NOTCH1: variants seen among roughly 807,000 people sequenced by gnomAD.
The protein encoded by NOTCH1 is neurogenic locus notch homolog protein 1.
A neutral mutation model predicts 254.8 loss-of-function variants in NOTCH1; 37 were observed. The ratio of observed to expected loss-of-function variants is 0.15; its 90% confidence interval spans 0.11 to 0.19. The LOEUF (loss-of-function observed/expected upper bound fraction) is 0.19, where lower values mean the gene tolerates loss of function less well. Ranked by LOEUF, NOTCH1 falls within the 10% of genes least tolerant of loss-of-function variation. The pLI is 1.00. For missense variants in NOTCH1, 2,972 were observed against 3,708.6 expected (o/e 0.80, Z 5.16); for synonymous variants, 1,731 against 1,618.1 (o/e 1.07, Z -1.68).
rs1322911019 is a variant in NOTCH1, at chr9:136,506,598, G to A, written c.3943C>T (p.Pro1315Ser). ...GCGCAGGTGCCCCCATTCTTGCAGG[G>A]CTTGCCTTTGCAGCCATTGATGACG... Reference protein sequence around the residue: ...ESVINGCKGKPCKNGGTCAVA... With the variant: ...ESVINGCKGKSCKNGGTCAVA... The change falls in exon 24 of 34, where the codon CCC (proline) becomes TCC (serine). Residue 1315 changes from proline to serine, a missense_variant. By Grantham distance (74) the Pro-to-Ser change is moderately conservative. Coordinates refer to ENST00000651671, the MANE Select transcript of NOTCH1 (RefSeq NM_017617.5). This position sits in a 1 kb window ranked among gnomAD's most constrained non-coding sequence, Gnocchi z 4.5. 2 of 1,610,996 alleles carry A rather than the reference G, an allele frequency of 1.2e-6. No individual in the cohort carries two copies. Among genetic ancestry groups the A allele is most frequent in the Non-Finnish European group, 1.7e-6 (2 of 1,179,476 alleles).
chr9:136,538,733 G>A (rs1173745716), intron 2 of NOTCH1, among the ~76,000 whole-genome samples: 6 of 152,238 alleles, frequency 3.9e-5, no homozygotes, highest in Admixed American at 1.3e-4. Flanking sequence ...CCACCTGTGC[G>A]CTGGGGATGA....
At chr9:136,538,707 C>T (rs192317034) in intron 2 of NOTCH1, among the ~76,000 whole-genome samples, 1 of 152,358 alleles carries the variant, frequency 6.6e-6, no homozygotes, top group African/African-American at 2.4e-5. Flanking sequence ...CCCACGCCCT[C>T]GCAGCCACAG....
At chr9:136,505,195 G>A in intron 25 of NOTCH1, 91 bp from the exon 26 acceptor site, 2 of 1,520,480 alleles carry the variant, frequency 1.3e-6, no homozygotes, top group South Asian at 2.3e-5. Flanking sequence ...AGCCGCGGGG[G>A]ACGTCCCTGC....
Position 136,540,858 on chromosome 9 carries a change from C to A in NOTCH1, c.140+3166G>T, listed in dbSNP as rs1843722922. 6.6e-6 allele frequency among the ~76,000 whole-genome samples: 1 copy of A among 152,178 alleles called. No homozygotes were observed. The highest frequency in any genetic ancestry group is 2.1e-4 in the South Asian group (1 of 4,822). On this transcript the variant is annotated intron_variant, in intron 2 of 33. Transcript: ENST00000651671. The surrounding 1 kb of genome is among the most constrained non-coding windows in gnomAD (Gnocchi z 4.4). The stretch of plus-strand genomic sequence containing the variant: ...CTGCCGTCAGCAGCCAACATCTTAG[C>A]TGCCCCCTGCCTCAACGCCCAGCCC...
At chr9:136,544,154 G>A (rs1234003255) in intron 1 of NOTCH1, 52 bp from the exon 2 acceptor site, 27 of 1,503,026 alleles carry the variant, frequency 1.8e-5, no homozygotes, top group African/African-American at 5.6e-5. Flanking sequence ...CACCACCACC[G>A]AAGGCCCTGG....
At position 136,515,279 on chromosome 9, in the gene NOTCH1, G is replaced by A. The variant is rs1348123089; in HGVS notation, c.2014+11C>T. 4 of 1,611,536 alleles carry A rather than the reference G, an allele frequency of 2.5e-6. No homozygotes were observed. Among genetic ancestry groups the A allele is most frequent in the South Asian group, 1.1e-5 (1 of 91,052 alleles). On this transcript the variant is annotated intron_variant, in intron 12 of 33. Transcript: ENST00000651671. ...ACAGTGCAGTCAGCCCCCACGTGCA[G>A]GGCCGCTCACCTGTGTAGCCCGGCT...
At chr9:136,530,436 G>A (rs770096981) in intron 2 of NOTCH1, among the ~76,000 whole-genome samples, 3 of 152,192 alleles carry the variant, frequency 2.0e-5, no homozygotes, top group Non-Finnish European at 4.4e-5. Flanking sequence ...ACCCGACATG[G>A]GAACGGCTGT....
intron 2 of NOTCH1, 117 bp downstream of exon 2, chr9:136,543,907 C>T (rs1289484129): frequency 3.0e-6 from 3 of 996,954 alleles, no homozygotes; most frequent in African/African-American, 1.6e-5. Context: ...GTGACCGTGC[C>T]CAGACTCTGG....
intron 2 of NOTCH1, among the ~76,000 whole-genome samples, chr9:136,526,041 C>T (rs1245527291): frequency 2.6e-5 from 4 of 152,272 alleles, no homozygotes; most frequent in African/African-American, 7.2e-5. Flanking sequence ...GCCCAGTGAG[C>T]GACGGGCACA....
At chr9:136,544,225 C>G in intron 1 of NOTCH1, 123 bp from the exon 2 acceptor site, 1 of 887,402 alleles carries the variant, frequency 1.1e-6, no homozygotes, top group Non-Finnish European at 1.8e-6. Context: ...CTACCCCGGA[C>G]GCACTCTGCT....
chr9:136,508,058 C>T lies in NOTCH1; in HGVS notation c.3407G>A (p.Gly1136Asp), dbSNP rs1394605454. The T allele has an allele frequency of 6.2e-7, 1 of 1,611,596 alleles. No homozygotes were observed. The highest frequency in any genetic ancestry group is 1.1e-5 in the South Asian group (1 of 91,088). ...GTCCTCACAGTAGCTGCCTGTGTAG[C>T]CCGCCTGGCAGCGGCAGTGGTGCGT... ...GNTHHCRCQA[G>D]YTGSYCEDLV... is the part of the protein sequence containing the mutation. The change falls in exon 21 of 34, where the codon GGC (glycine) becomes GAC (aspartate). Residue 1136 changes from glycine (G) to aspartate (D), a missense_variant. Coordinates refer to ENST00000651671, the MANE Select transcript of NOTCH1 (RefSeq NM_017617.5).
chr9:136,509,169 C>A, intron 18 of NOTCH1, 98 bp from the exon 19 acceptor site: 1 of 1,224,310 alleles, frequency 8.2e-7, no homozygotes, highest in Non-Finnish European at 1.2e-6. Flanking sequence ...TCTGCTCAAC[C>A]CTAGGGGCCT....
At position 136,496,929 on chromosome 9, in the gene NOTCH1, T is replaced by C. The variant is rs1382779100; in HGVS notation, c.6810A>G (p.Pro2270=). ...GGGRLAFETG[P]PRLSHLPVAS... is the part of the protein sequence containing the mutation. ...CCACAGGCAGGTGGGAGAGACGAGG[T>C]GGGCCAGTCTCAAAGGCCAGCCGGC... The change falls in exon 34 of 34, where the codon CCA becomes CCG. Residue 2270 remains proline, a synonymous_variant. Coordinates refer to ENST00000651671, the MANE Select transcript of NOTCH1 (RefSeq NM_017617.5). The C allele has an allele frequency of 1.2e-6, 2 of 1,611,894 alleles. No individual in the cohort carries two copies. The highest frequency in any genetic ancestry group is 8.5e-7 in the Non-Finnish European group (1 of 1,179,744).
chr9:136,517,317 G>A lies in NOTCH1; in HGVS notation c.1510C>T (p.Arg504Cys), dbSNP rs752071569. The A allele has an allele frequency of 4.5e-5, 73 of 1,609,810 alleles. No homozygotes were observed. Among genetic ancestry groups the A allele is most frequent in the Middle Eastern group, 1.6e-4 (1 of 6,076 alleles). The change falls in exon 9 of 34, where the codon CGC (arginine) becomes TGC (cysteine). Residue 504 changes from arginine (R) to cysteine (C), a missense_variant. Around this residue, in one of 8 missense-constraint regions of NOTCH1, gnomAD observed 128 missense variants for 193.8 expected, o/e 0.66. Transcript: ENST00000651671. ...AACTCATTGATCTTGTCCAGGCAGC[G>A]GCCATTGTGCAGGCAGGGGCTGCTG... ...CASSPCLHNG[R>C]CLDKINEFQC...
At chr9:136,507,215 T>C in intron 22 of NOTCH1, 90 bp downstream of exon 22, 2 of 1,599,408 alleles carry the variant, frequency 1.3e-6, no homozygotes, top group Non-Finnish European at 1.7e-6. Flanking sequence ...GGCTGGTTCC[T>C]GGATGCCTCT....
intron 2 of NOTCH1, among the ~76,000 whole-genome samples, chr9:136,532,880 G>A (rs1253808359): frequency 2.0e-5 from 3 of 152,196 alleles, no homozygotes; most frequent in Non-Finnish European, 4.4e-5. Context: ...GGCCTGGACT[G>A]CAGCCCCTGC....
At chr9:136,544,543 G>T (rs1233058407) in intron 1 of NOTCH1, among the ~76,000 whole-genome samples, 1 of 152,202 alleles carries the variant, frequency 6.6e-6, no homozygotes, top group African/African-American at 2.4e-5. Flanking sequence ...CGTTCTGCAA[G>T]GGGGCAGAGC....
At chr9:136,535,360 G>A (rs565513356) in intron 2 of NOTCH1, among the ~76,000 whole-genome samples, 3 of 152,052 alleles carry the variant, frequency 2.0e-5, no homozygotes, top group Admixed American at 6.5e-5. Flanking sequence ...GAGTGTAGAC[G>A]GCAGGACGCC....
rs760213571 is a variant in NOTCH1, at chr9:136,501,766, C to T, written c.5620G>A (p.Val1874Ile). 6.2e-6 allele frequency: 10 copies of T among 1,612,122 alleles called. No individual in the cohort carries two copies. Among genetic ancestry groups the T allele is most frequent in the South Asian group, 3.3e-5 (3 of 91,066 alleles). ...CCCTTACCAGGCCCGCGGACATTGACGTCCATGCAGTCGGCGTCAACCTCA... is the reference window on the plus strand; with the variant it reads ...CCCTTACCAGGCCCGCGGACATTGATGTCCATGCAGTCGGCGTCAACCTCA... ...QGEVDADCMDVNVRGPDGFTP... is the reference protein window; with the variant it reads ...QGEVDADCMDINVRGPDGFTP... Residue 1874 changes from valine (V) to isoleucine (I), a missense_variant, in exon 30 of 34, where the codon GTC becomes ATC. This residue lies in a region of NOTCH1 where 421 missense variants were observed against 604.4 expected (regional missense o/e 0.70). Coordinates refer to ENST00000651671, the MANE Select transcript of NOTCH1 (RefSeq NM_017617.5).
Sources: allele counts gnomAD v4.1 joint callset (sites outside exome capture counted in the v4.1 genomes callset), GRCh38; gene constraint gnomAD v4.1.1; regional missense constraint gnomAD v4.1.1; non-coding constraint Gnocchi (gnomAD v3.1); transcripts MANE v1.5; gene names NCBI Gene and HGNC (gene_info 2026-07-23, HGNC 2026-07-21).